The following ATP13A1 variants were observed in gnomAD, a reference collection of about 807,000 sequenced individuals.
ATP13A1 encodes endoplasmic reticulum transmembrane helix translocase.
A neutral mutation model predicts 134.8 loss-of-function variants in ATP13A1; 55 were observed. The observed-to-expected ratio is 0.41, with a 90% CI of 0.33 to 0.51. The LOEUF (loss-of-function observed/expected upper bound fraction) is 0.51, where lower values mean the gene tolerates loss of function less well. Among genes scored for constraint, ATP13A1 ranks in the 20% least tolerant of loss-of-function variants. The pLI, the probability that ATP13A1 is intolerant of heterozygous loss-of-function variation, is 0.29. For synonymous variants in ATP13A1, 775 were observed against 725.1 expected, an observed-to-expected ratio of 1.07 and a Z score of -1.10; for missense variants, 1,389 against 1,652.8, an observed-to-expected ratio of 0.84 and a Z score of 2.77.
At position 19,656,964 on chromosome 19, in the gene ATP13A1, C is replaced by T. The variant is rs772795710; in HGVS notation, c.906+30G>A. ...CACAGAAGCCGCACCTGTGCTGCAC[C>T]CCCAACCTGGGTCTCCCTGGCAGCC... On this transcript the variant is annotated intron_variant, in intron 5 of 25. Coordinates refer to ENST00000357324, the MANE Select transcript of ATP13A1 (RefSeq NM_020410.3). This position sits in a 1 kb window ranked among gnomAD's most constrained non-coding sequence, Gnocchi z 4.6. 1 of 1,604,502 alleles carries T rather than the reference C, an allele frequency of 6.2e-7. No homozygotes were observed. Among genetic ancestry groups the T allele is most frequent in the Non-Finnish European group, 8.5e-7 (1 of 1,175,782 alleles).
intron 1 of ATP13A1, chr19:19,662,454 T>A (rs2062100756): frequency 1.2e-6 from 1 of 804,534 alleles, no homozygotes; most frequent in African/African-American, 1.9e-5. Flanking sequence ...AGGGGAAGCT[T>A]CCTGATATAC....
At position 19,654,619 on chromosome 19, in the gene ATP13A1, C is replaced by T; in HGVS notation, c.1737G>A (p.Gln579=). 1 of 1,613,600 alleles carries T rather than the reference C, an allele frequency of 6.2e-7. No homozygotes were observed. Among genetic ancestry groups the T allele is most frequent in the Non-Finnish European group, 8.5e-7 (1 of 1,179,852 alleles). Residue 579 remains glutamine, a synonymous_variant, in exon 13 of 26, where the codon CAG becomes CAA. Coordinates refer to ENST00000357324, the MANE Select transcript of ATP13A1 (RefSeq NM_020410.3). ...CACCCACGAGGGTGCCGTCGTCCAG[C>T]TGCATGAGCGAGTGGCACGAGGCCA... is the stretch of plus-strand genomic sequence containing the variant. ...RALASCHSLM[Q]LDDGTLVGDP...
In ATP13A1 at chr19:19,655,496, G is replaced by T; in HGVS notation, c.1396+32C>A. ...GCCAACCTGGAGCCTCGGAGGGTGG[G>T]CGCAGGGGACCACAGAGGCCGTGGC... is the stretch of plus-strand genomic sequence containing the variant. On this transcript the variant is annotated intron_variant, in intron 10 of 25. Transcript: ENST00000357324. The surrounding 1 kb of genome is among the most constrained non-coding windows in gnomAD (Gnocchi z 5.7). 6.2e-7 allele frequency: 1 copy of T among 1,613,996 alleles called. No individual in the cohort carries two copies. Among genetic ancestry groups the T allele is most frequent in the Non-Finnish European group, 8.5e-7 (1 of 1,179,874 alleles).
intron 1 of ATP13A1, chr19:19,662,337 T>G (rs1318666865): frequency 1.0e-6 from 1 of 985,276 alleles, no homozygotes; most frequent in Non-Finnish European, 1.2e-6. Context: ...AGAATGAGGA[T>G]TCTACCCACA....
chr19:19,656,281 A>AG lies in ATP13A1; in HGVS notation c.1084-99dup, dbSNP rs1228885410. 2.7e-6 allele frequency: 4 copies of AG among 1,495,444 alleles called. No homozygotes were observed. Among genetic ancestry groups the AG allele is most frequent in the African/African-American group, 1.4e-5 (1 of 71,640 alleles). The allele number at this position is 1,495,444 out of a possible 1,614,324, so 92.6% of individuals were successfully genotyped here. A position where few individuals can be genotyped will look rare whatever the true frequency, so the allele number is the denominator to read the frequency against. ...CTGGACCTTGAGGCTGGAATGAGCC[A>AG]GGGGGATCCCCACCCGACCAATACA... On this transcript the variant is annotated intron_variant, in intron 7 of 25. Coordinates refer to ENST00000357324, the MANE Select transcript of ATP13A1 (RefSeq NM_020410.3). This position sits in a 1 kb window ranked among gnomAD's most constrained non-coding sequence, Gnocchi z 4.6.
chr19:19,656,970 C>T lies in ATP13A1; in HGVS notation c.906+24G>A. The T allele has an allele frequency of 6.2e-7, 1 of 1,602,614 alleles. No homozygotes were observed. Among genetic ancestry groups the T allele is most frequent in the Non-Finnish European group, 8.5e-7 (1 of 1,174,676 alleles). On this transcript the variant is annotated intron_variant, in intron 5 of 25. Coordinates refer to ENST00000357324, the MANE Select transcript of ATP13A1 (RefSeq NM_020410.3). The surrounding 1 kb of genome is among the most constrained non-coding windows in gnomAD (Gnocchi z 4.6). The stretch of plus-strand genomic sequence containing the variant: ...AGCCGCACCTGTGCTGCACCCCCAA[C>T]CTGGGTCTCCCTGGCAGCCACACCT...
chr19:19,651,518 A>ACG lies in ATP13A1; in HGVS notation c.2335+169_2335+170dup, dbSNP rs2062024614. On this transcript the variant is annotated intron_variant, in intron 17 of 25. Transcript: ENST00000357324. Reference sequence around the variant, plus strand: ...CATCCTGGGACCTGCGACCCAGTGAACGCTCACATGCTGTCCGAGGTGCCC... The same window carrying ACG: ...CATCCTGGGACCTGCGACCCAGTGAACGCGCTCACATGCTGTCCGAGGTGCCC... 7.9e-6 allele frequency: 4 copies of ACG among 506,328 alleles called. No homozygotes were observed. In the Admixed American group the frequency reaches 1.5e-4, roughly 19 times the overall value. The allele number at this position is 506,328 out of a possible 1,614,324, so 31.4% of individuals were successfully genotyped here.
At chr19:19,651,121 G>GC (rs981051618) in intron 17 of ATP13A1, 1 of 152,174 alleles carries the variant, frequency 6.6e-6, no homozygotes, top group African/African-American at 2.4e-5. Flanking sequence ...ACAAAGCAGG[G>GC]CCCCGAGAGC....
chr19:19,658,587 G>C (rs941340037), intron 3 of ATP13A1, among the ~76,000 whole-genome samples: 1 of 152,170 alleles, frequency 6.6e-6, no homozygotes, highest in Non-Finnish European at 1.5e-5. Context: ...GTGTTCTGTG[G>C]GTTTCTGGGT....
chr19:19,646,169 C>G (rs767871145), intron 23 of ATP13A1, 36 bp downstream of exon 23: 1 of 1,612,378 alleles, frequency 6.2e-7, no homozygotes, highest in South Asian at 1.1e-5. Context: ...CTATTCTCAG[C>G]TGCAGGGACA....
intron 22 of ATP13A1, chr19:19,646,558 G>A (rs368285907): frequency 9.4e-4 from 574 of 609,872 alleles, no homozygotes; most frequent in Non-Finnish European, 1.3e-3. Flanking sequence ...CCCCGGCTCC[G>A]CCATCCAGGC....
rs1031182543 is a variant in ATP13A1 at position 19,653,958 on chromosome 19, G to T, written c.1989+11C>A. 13 of 1,588,060 alleles carry T rather than the reference G, an allele frequency of 8.2e-6. No individual in the cohort carries two copies. Among genetic ancestry groups the T allele is most frequent in the Non-Finnish European group, 1.1e-5 (13 of 1,167,968 alleles). Reference sequence around the variant, plus strand: ...GCCCCCACCCCTTGCCCCAGGCTGGGGCCAGCTCACCATGGAGTGCAGAGT... The same window carrying T: ...GCCCCCACCCCTTGCCCCAGGCTGGTGCCAGCTCACCATGGAGTGCAGAGT... On this transcript the variant is annotated intron_variant, in intron 14 of 25. Coordinates refer to ENST00000357324, the MANE Select transcript of ATP13A1 (RefSeq NM_020410.3). The surrounding 1 kb of genome is among the most constrained non-coding windows in gnomAD (Gnocchi z 4.2).
Position 19,647,032 on chromosome 19 carries a change from G to T in ATP13A1, c.3105+97C>A. On this transcript the variant is annotated intron_variant, in intron 22 of 25. Coordinates refer to ENST00000357324, the MANE Select transcript of ATP13A1 (RefSeq NM_020410.3). This position sits in a 1 kb window ranked among gnomAD's most constrained non-coding sequence, Gnocchi z 4.8. ...CTACAGCCCCCATCTCTGGGGCCCT[G>T]GGTCCTGTAACTTGGGGATGACAAT... 1 of 1,337,702 alleles carries T rather than the reference G, an allele frequency of 7.5e-7. No individual in the cohort carries two copies. Among genetic ancestry groups the T allele is most frequent in the East Asian group, 2.3e-5 (1 of 42,708 alleles). 82.9% of individuals were successfully genotyped at this position (1,337,702 alleles called of 1,614,324 possible).
In ATP13A1 at chr19:19,646,195, C is replaced by T; in HGVS notation, c.3248+10G>A. 4 of 1,613,438 alleles carry T rather than the reference C, an allele frequency of 2.5e-6. No homozygotes were observed. The highest frequency in any genetic ancestry group is 3.4e-6 in the Non-Finnish European group (4 of 1,179,600). On this transcript the variant is annotated intron_variant, in intron 23 of 25. Coordinates refer to ENST00000357324, the MANE Select transcript of ATP13A1 (RefSeq NM_020410.3). ...TGCAGGGACATCACCTCCTCCAAGGCAGCACTTACTTCTCGGGGCTCCGGG... is the reference window on the plus strand; with the variant it reads ...TGCAGGGACATCACCTCCTCCAAGGTAGCACTTACTTCTCGGGGCTCCGGG...
Position 19,649,570 on chromosome 19 carries a change from C to G in ATP13A1, c.2629G>C (p.Val877Leu). 1 of 1,613,374 alleles carries G rather than the reference C, an allele frequency of 6.2e-7. No individual in the cohort carries two copies. Residue 877 changes from valine to leucine, a missense_variant, in exon 19 of 26, where the codon GTG becomes CTG. Around this residue, in one of 4 missense-constraint regions of ATP13A1, gnomAD observed 747 missense variants for 956.1 expected, o/e 0.78. Coordinates refer to ENST00000357324, the MANE Select transcript of ATP13A1 (RefSeq NM_020410.3). ...NDVGALKHAD[V>L]GVALLANAPE... Reference sequence around the variant, plus strand: ...TACCCTAGCCCACAGCACTCACCCACGTCAGCATGCTTCAGGGCGCCCACG... The same window carrying G: ...TACCCTAGCCCACAGCACTCACCCAGGTCAGCATGCTTCAGGGCGCCCACG...
At chr19:19,646,484 G>T in intron 22 of ATP13A1, 137 bp from the exon 23 acceptor site, 1 of 1,046,222 alleles carries the variant, frequency 9.6e-7, no homozygotes, top group Non-Finnish European at 1.4e-6. Flanking sequence ...GGATTCCATG[G>T]GTCAGCACCA....
At chr19:19,663,086 A>T in intron 1 of ATP13A1, 185 bp downstream of exon 1, 1 of 851,812 alleles carries the variant, frequency 1.2e-6, no homozygotes, top group Non-Finnish European at 2.0e-6. Context: ...CGCACCAGGC[A>T]TGCACAGCAA....
chr19:19,662,245 C>A, intron 1 of ATP13A1: 1 of 1,485,210 alleles, frequency 6.7e-7, no homozygotes, highest in Non-Finnish European at 8.9e-7. Flanking sequence ...CATTGTACTA[C>A]CTCAAAGCTA....
At chr19:19,659,322 G>A (rs941036114) in intron 3 of ATP13A1, among the ~76,000 whole-genome samples, 7 of 152,136 alleles carry the variant, frequency 4.6e-5, no homozygotes, top group African/African-American at 1.7e-4. Context: ...CAGGCGTGGT[G>A]GGGGGAGCCT....
Sources: allele counts gnomAD v4.1 joint callset (sites outside exome capture counted in the v4.1 genomes callset), GRCh38; gene constraint gnomAD v4.1.1; regional missense constraint gnomAD v4.1.1; non-coding constraint Gnocchi (gnomAD v3.1); transcripts MANE v1.5; gene names NCBI Gene and HGNC (gene_info 2026-07-23, HGNC 2026-07-21).